The following PPP2R3A variants were observed in gnomAD, a reference collection of about 807,000 sequenced individuals.
PPP2R3A encodes the protein serine/threonine-protein phosphatase 2A regulatory subunit B'' subunit alpha.
PPP2R3A carries 80 observed loss-of-function variants against 106.9 expected under a neutral mutation model. That is an observed-to-expected ratio of 0.75 (90% CI 0.62 to 0.90). The LOEUF is 0.90. PPP2R3A is among the 40% of genes least tolerant of loss of function. PPP2R3A has a pLI of 0.00. For missense variants in PPP2R3A, 1,386 were observed against 1,350.4 expected (o/e 1.03, Z -0.41); for synonymous variants, 483 against 468.3 (o/e 1.03, Z -0.41).
chr3:136,120,375 G>A (rs565805945), intron 13 of PPP2R3A, among the ~76,000 whole-genome samples: 38 of 152,206 alleles, frequency 2.5e-4, no homozygotes, highest in African/African-American at 8.4e-4. Context: ...ATCACTTGAG[G>A]TCAGGAGCTC....
chr3:136,121,342 A>T (rs917782442), intron 13 of PPP2R3A, among the ~76,000 whole-genome samples: 1 of 152,206 alleles, frequency 6.6e-6, no homozygotes, highest in African/African-American at 2.4e-5. Context: ...ACAGAAAACC[A>T]AATACCTTAT....
intron 5 of PPP2R3A, among the ~76,000 whole-genome samples, chr3:136,049,759 G>A (rs888877317): frequency 6.6e-6 from 1 of 152,092 alleles, no homozygotes; most frequent in African/African-American, 2.4e-5. Context: ...AGAAAGAAAA[G>A]GTCATGATGT....
intron 13 of PPP2R3A, among the ~76,000 whole-genome samples, chr3:136,136,045 CAAAAAAA>C (rs34558229): frequency 1.8e-4 from 4 of 22,364 alleles, no homozygotes; most frequent in African/African-American, 1.6e-4. Context: ...GACTCCGTCT[CAAAAAAA>C]AAAAAAAAAA....
chr3:136,087,592 G>T (rs560558703), intron 8 of PPP2R3A: 42 of 242,260 alleles, frequency 1.7e-4, no homozygotes, highest in Non-Finnish European at 2.5e-4. Flanking sequence ...TGGTCTCATT[G>T]GATAAGATCA....
At chr3:136,098,235 G>C (rs1937263509) in intron 10 of PPP2R3A, among the ~76,000 whole-genome samples, 1 of 152,174 alleles carries the variant, frequency 6.6e-6, no homozygotes, top group Non-Finnish European at 1.5e-5. Flanking sequence ...AGTCTCACTT[G>C]AGCCCAAGAG....
intron 13 of PPP2R3A, among the ~76,000 whole-genome samples, chr3:136,134,473 T>G (rs1938531163): frequency 6.6e-6 from 1 of 152,222 alleles, no homozygotes; most frequent in Non-Finnish European, 1.5e-5. Flanking sequence ...AATGGTTAAA[T>G]AAGTCATGGT....
intron 1 of PPP2R3A, among the ~76,000 whole-genome samples, chr3:135,987,199 A>G (rs773562138): frequency 6.6e-6 from 1 of 152,176 alleles, no homozygotes; most frequent in Non-Finnish European, 1.5e-5. Flanking sequence ...ACAAGTTAGT[A>G]TGCAACAGTT....
In PPP2R3A at chr3:136,106,210, A is replaced by C. The variant is rs1937513365; in HGVS notation, c.3223-6A>C. ...TATTTCTCGTGGCTGTCTTCTTTCC[A>C]ATCAGGATGTTGAGAACGATGGGCC... On this transcript the variant is annotated splice_polypyrimidine_tract_variant and splice_region_variant and intron_variant, in intron 12 of 13. Coordinates refer to ENST00000264977, the MANE Select transcript of PPP2R3A (RefSeq NM_002718.5). The C allele has an allele frequency of 6.2e-7, 1 of 1,603,200 alleles. No individual in the cohort carries two copies. Among genetic ancestry groups the C allele is most frequent in the South Asian group, 1.1e-5 (1 of 88,656 alleles).
At chr3:136,085,694 TA>T (rs1274898757) in intron 8 of PPP2R3A, among the ~76,000 whole-genome samples, 1 of 152,252 alleles carries the variant, frequency 6.6e-6, no homozygotes, top group Non-Finnish European at 1.5e-5. Context: ...AATGATACTT[TA>T]GCTTATTAGA....
intron 9 of PPP2R3A, among the ~76,000 whole-genome samples, chr3:136,088,148 G>A (rs1398109116): frequency 6.6e-6 from 1 of 152,092 alleles, no homozygotes; most frequent in Non-Finnish European, 1.5e-5. Context: ...TCTGTCACAT[G>A]GGAACACTGG....
rs143357361 is a variant in PPP2R3A at position 136,106,228 on chromosome 3, G to A, written c.3235G>A (p.Asp1079Asn). 55 of 1,604,630 alleles carry A rather than the reference G, an allele frequency of 3.4e-5. No homozygotes were observed. The highest frequency in any genetic ancestry group is 1.7e-4 in the Middle Eastern group (1 of 6,048). ...PFAVQKDVEN[D>N]GPEPSDWDRF... is the part of the protein sequence containing the mutation. ...TCTTTCCAATCAGGATGTTGAGAAC[G>A]ATGGGCCTGAGCCCTCAGACTGGGA... Residue 1079 changes from aspartate to asparagine, a missense_variant, in exon 13 of 14, where the codon GAT becomes AAT. By Grantham distance (23) the Asp-to-Asn change is conservative (BLOSUM62 1). Coordinates refer to ENST00000264977, the MANE Select transcript of PPP2R3A (RefSeq NM_002718.5).
At chr3:136,135,359 G>A (rs1393787) in intron 13 of PPP2R3A, among the ~76,000 whole-genome samples, 26,818 of 152,096 alleles carry the variant, frequency 0.18, 3,130 homozygotes, top group Non-Finnish European at 0.27. Context: ...ACAAAGGAAA[G>A]GAAAGGAAAA....
chr3:136,118,729 A>C (rs1253530037), intron 13 of PPP2R3A, among the ~76,000 whole-genome samples: 1 of 151,156 alleles, frequency 6.6e-6, no homozygotes, highest in Non-Finnish European at 1.5e-5. Context: ...AAGAGAGGAC[A>C]CAAATGGGAA....
chr3:136,041,474 C>G (rs1421464144), intron 4 of PPP2R3A, among the ~76,000 whole-genome samples: 2 of 151,888 alleles, frequency 1.3e-5, no homozygotes, highest in Non-Finnish European at 2.9e-5. Context: ...GTCATAAACT[C>G]CTGGCCTTAA....
At chr3:136,062,122 G>A (rs781530484) in intron 5 of PPP2R3A, among the ~76,000 whole-genome samples, 24 of 152,102 alleles carry the variant, frequency 1.6e-4, no homozygotes, top group Non-Finnish European at 3.1e-4. Context: ...TTAGGAATGA[G>A]GTTCACATAA....
chr3:135,972,782 A>G (rs796878772), intron 1 of PPP2R3A, among the ~76,000 whole-genome samples: 53 of 152,266 alleles, frequency 3.5e-4, no homozygotes, highest in African/African-American at 1.2e-3. Flanking sequence ...TCTTTTATCA[A>G]TTTTTTAATT....
intron 13 of PPP2R3A, among the ~76,000 whole-genome samples, chr3:136,141,003 C>A (rs893471399): frequency 2.0e-5 from 3 of 152,228 alleles, no homozygotes; most frequent in Admixed American, 2.0e-4. Context: ...CATTGTTTCA[C>A]AAGAGCATTA....
chr3:135,967,852 A>C (rs1314621375), intron 1 of PPP2R3A, among the ~76,000 whole-genome samples: 1 of 152,224 alleles, frequency 6.6e-6, no homozygotes, highest in Non-Finnish European at 1.5e-5. Context: ...ATTTTAGGCC[A>C]GGTAATTTCT....
intron 5 of PPP2R3A, among the ~76,000 whole-genome samples, chr3:136,067,389 T>G (rs2107901156): frequency 6.6e-6 from 1 of 152,306 alleles, no homozygotes; most frequent in Middle Eastern, 3.4e-3. Flanking sequence ...GATTCATTCC[T>G]GAGAGACAGA....
Sources: gnomAD v4.1 joint callset for allele counts (sites outside exome capture counted in the v4.1 genomes callset) on GRCh38, gnomAD v4.1.1 for gene constraint, MANE v1.5 for transcripts, NCBI Gene and HGNC (gene_info 2026-07-23, HGNC 2026-07-21) for gene names.